The following SRGAP1 variants were observed in gnomAD, a reference collection of about 807,000 sequenced individuals.
SRGAP1 encodes the protein SLIT-ROBO Rho GTPase-activating protein 1.
A neutral mutation model predicts 121.9 loss-of-function variants in SRGAP1; 43 were observed. The ratio of observed to expected loss-of-function variants is 0.35; its 90% CI spans 0.28 to 0.46. SRGAP1 has a LOEUF of 0.46. Among genes scored for constraint, SRGAP1 ranks in the 20% least tolerant of loss-of-function variants. SRGAP1 has a pLI of 1.00. For missense variants in SRGAP1, 1,102 were observed against 1,350.9 expected, an observed-to-expected ratio of 0.82 and a Z score of 2.89; for synonymous variants, 447 against 485.4, an observed-to-expected ratio of 0.92 and a Z score of 1.04.
rs2033434651 is a variant in SRGAP1 at position 63,986,914 on chromosome 12, GT to G, written c.263+2775del. ...TTGAAATTTTCTTTAATTTGAGTAA[GT>G]TTATTATTGAATATGGGACTGAAGA... On this transcript the variant is annotated intron_variant, in intron 2 of 21. Coordinates refer to ENST00000355086, the MANE Select transcript of SRGAP1 (RefSeq NM_020762.4). Among the ~76,000 whole-genome samples the G allele has an allele frequency of 4.6e-5, 7 of 152,228 alleles. No homozygotes were observed. In the South Asian group the frequency reaches 1.4e-3, roughly 32 times the overall value.
intron 21 of SRGAP1, among the ~76,000 whole-genome samples, chr12:64,137,488 T>C (rs890991788): frequency 5.9e-5 from 9 of 152,156 alleles, no homozygotes; most frequent in Non-Finnish European, 1.0e-4. Flanking sequence ...GATTTTCCCA[T>C]GGGGACAAGT....
chr12:63,870,533 ATTTTTTTTTT>A (rs1216674448), intron 1 of SRGAP1, among the ~76,000 whole-genome samples: 1 of 100,812 alleles, frequency 9.9e-6, no homozygotes, highest in Non-Finnish European at 2.0e-5. Flanking sequence ...CCCTATCTTG[ATTTTTTTTTT>A]TTTTTTTTTT....
chr12:63,936,420 G>A (rs1390891490), intron 1 of SRGAP1, among the ~76,000 whole-genome samples: 4 of 152,156 alleles, frequency 2.6e-5, no homozygotes, highest in Non-Finnish European at 5.9e-5. Context: ...TTGGCTTACA[G>A]TTGGATATGT....
At chr12:63,917,921 G>A (rs1380223881) in intron 1 of SRGAP1, among the ~76,000 whole-genome samples, 3 of 152,112 alleles carry the variant, frequency 2.0e-5, no homozygotes, top group Admixed American at 6.6e-5. Flanking sequence ...TGCTATTCTC[G>A]TCTTGCTGAT....
At chr12:63,852,464 A>C (rs1046977242) in intron 1 of SRGAP1, among the ~76,000 whole-genome samples, 6 of 152,184 alleles carry the variant, frequency 3.9e-5, no homozygotes, top group Non-Finnish European at 5.9e-5. Flanking sequence ...TTCATGGTGG[A>C]ATTTAAAAGG....
At chr12:64,052,572 T>TA (rs1246178027) in intron 6 of SRGAP1, among the ~76,000 whole-genome samples, 1 of 151,188 alleles carries the variant, frequency 6.6e-6, no homozygotes, top group Admixed American at 6.6e-5. Context: ...AAAAACAAAA[T>TA]AAACGTATAT....
intron 1 of SRGAP1, among the ~76,000 whole-genome samples, chr12:63,853,722 C>A (rs564162110): frequency 6.6e-6 from 1 of 152,294 alleles, no homozygotes; most frequent in South Asian, 2.1e-4. Flanking sequence ...GCTTAACTTT[C>A]CTATTTAGTA....
chr12:64,089,775 G>A (rs1233820417), intron 11 of SRGAP1, among the ~76,000 whole-genome samples: 2 of 152,136 alleles, frequency 1.3e-5, no homozygotes, highest in Admixed American at 6.5e-5. Flanking sequence ...AGAACTTCAG[G>A]TGCTGCTTGC....
At chr12:63,859,542 T>C (rs1210735864) in intron 1 of SRGAP1, among the ~76,000 whole-genome samples, 1 of 152,228 alleles carries the variant, frequency 6.6e-6, no homozygotes, top group Non-Finnish European at 1.5e-5. Context: ...ATCGTTTTCA[T>C]TTTCATTGAA....
chr12:64,016,894 G>A, intron 3 of SRGAP1, 56 bp from the exon 4 acceptor site: 1 of 969,782 alleles, frequency 1.0e-6, no homozygotes, highest in Non-Finnish European at 1.5e-6. Flanking sequence ...TTCAGTTAGT[G>A]GACTTTTTAA....
At chr12:64,073,253 C>A (rs1020961635) in intron 8 of SRGAP1, among the ~76,000 whole-genome samples, 2 of 152,042 alleles carry the variant, frequency 1.3e-5, no homozygotes, top group Non-Finnish European at 2.9e-5. Context: ...AACCATGACA[C>A]CATTGCTTCT....
chr12:63,969,392 GAA>G (rs1216863851), intron 1 of SRGAP1, among the ~76,000 whole-genome samples: 2 of 152,148 alleles, frequency 1.3e-5, no homozygotes, highest in Non-Finnish European at 2.9e-5. Context: ...CGTTCTAAAA[GAA>G]AAAGAAATCG....
chr12:64,065,293 G>C (rs904901278), intron 8 of SRGAP1, 74 bp downstream of exon 8: 23 of 1,271,564 alleles, frequency 1.8e-5, no homozygotes, highest in Non-Finnish European at 2.5e-5. Context: ...CACATGACTT[G>C]GGCATATTTA....
chr12:64,146,049 G>C lies in SRGAP1; in HGVS notation c.*3377G>C, dbSNP rs1470602904. 1 of 152,258 alleles carries C rather than the reference G, an allele frequency of 6.6e-6. No homozygotes were observed. Among genetic ancestry groups the C allele is most frequent in the Admixed American group, 6.5e-5 (1 of 15,286 alleles). The allele number at this position is 152,258 out of a possible 1,614,324, so 9.4% of individuals were successfully genotyped here. ...TCATCAAGTCAGCCTTTTGGACTGG[G>C]TTGGGGTTTGGGGAGTGGATTTGGG... On this transcript the variant is annotated 3_prime_UTR_variant, in exon 22 of 22. Transcript: ENST00000355086.
chr12:63,885,424 A>G (rs934728686), intron 1 of SRGAP1, among the ~76,000 whole-genome samples: 1 of 152,150 alleles, frequency 6.6e-6, no homozygotes, highest in African/African-American at 2.4e-5. Flanking sequence ...AGGAACCTCT[A>G]CATGTTCAGC....
At chr12:64,044,805 C>T (rs115113901) in intron 6 of SRGAP1, among the ~76,000 whole-genome samples, 1,562 of 150,698 alleles carry the variant, frequency 0.01, 24 homozygotes, top group African/African-American at 0.036. Context: ...CTCAGCTTCC[C>T]GAGTATCTGG....
chr12:63,998,172 C>T (rs1245009317), intron 3 of SRGAP1, among the ~76,000 whole-genome samples: 6 of 152,142 alleles, frequency 3.9e-5, no homozygotes, highest in Non-Finnish European at 5.9e-5. Context: ...CGGGAAGAGA[C>T]CTTCATGTTG....
rs1265477966 is a variant in SRGAP1, at chr12:64,149,876, GAATT to G, written c.*7210_*7213del. 9 of 152,118 alleles carry G rather than the reference GAATT, an allele frequency of 5.9e-5. No homozygotes were observed. Among genetic ancestry groups the G allele is most frequent in the Admixed American group, 1.3e-4 (2 of 15,278 alleles). The allele number at this position is 152,118 out of a possible 1,614,324, so 9.4% of individuals were successfully genotyped here. A position where few individuals can be genotyped will look rare whatever the true frequency, so the allele number is the denominator to read the frequency against. ...TTATTGAAGTTTAGTAAACGAATTT[GAATT>G]AATTAGGACCAGATAATCAATTTTT... On this transcript the variant is annotated 3_prime_UTR_variant, in exon 22 of 22. Transcript: ENST00000355086.
chr12:63,895,913 ATTCT>A (rs1419025190), intron 1 of SRGAP1, among the ~76,000 whole-genome samples: 35 of 152,118 alleles, frequency 2.3e-4, no homozygotes, highest in Non-Finnish European at 2.9e-5. Context: ...CTGTGCCTTT[ATTCT>A]TTAGTGTATC....
Sources: gnomAD v4.1 joint callset for allele counts (sites outside exome capture counted in the v4.1 genomes callset) on GRCh38, gnomAD v4.1.1 for gene constraint, MANE v1.5 for transcripts, NCBI Gene and HGNC (gene_info 2026-07-23, HGNC 2026-07-21) for gene names.